The following CACHD1 variants were observed in gnomAD, a reference collection of about 807,000 sequenced individuals.
The protein encoded by CACHD1 is cache domain containing 1.
A neutral mutation model predicts 138.7 loss-of-function variants in CACHD1; 71 were observed. That is an observed-to-expected ratio of 0.51 (90% CI 0.42 to 0.62). The LOEUF (loss-of-function observed/expected upper bound fraction) is 0.62, where lower values mean the gene tolerates loss of function less well. Ranked by LOEUF, CACHD1 falls within the 20% of genes least tolerant of loss-of-function variation. CACHD1 has a pLI of 0.00. For missense variants in CACHD1, 1,389 were observed against 1,625.3 expected, an observed-to-expected ratio of 0.85 and a Z score of 2.50; for synonymous variants, 578 against 591.5, an observed-to-expected ratio of 0.98 and a Z score of 0.33.
At chr1:64,495,722 A>C (rs1646302545) in intron 1 of CACHD1, among the ~76,000 whole-genome samples, 1 of 151,096 alleles carries the variant, frequency 6.6e-6, no homozygotes, top group South Asian at 2.1e-4. Flanking sequence ...TTTGAACCTG[A>C]GTTGCTGTAA....
intron 2 of CACHD1, among the ~76,000 whole-genome samples, chr1:64,559,185 C>T (rs148343169): frequency 1.0e-3 from 155 of 152,278 alleles, no homozygotes; most frequent in Non-Finnish European, 2.0e-3. Context: ...ACTCTAAAGA[C>T]ACATGTGTGC....
At chr1:64,481,021 G>C (rs578104400) in intron 1 of CACHD1, among the ~76,000 whole-genome samples, 18 of 152,114 alleles carry the variant, frequency 1.2e-4, no homozygotes, top group East Asian at 9.7e-4. Flanking sequence ...GAGTTCAAAG[G>C]TAGCTTTCTC....
intron 4 of CACHD1, among the ~76,000 whole-genome samples, chr1:64,629,095 T>C (rs535491591): frequency 2.6e-5 from 4 of 152,334 alleles, no homozygotes; most frequent in African/African-American, 7.2e-5. Flanking sequence ...TCATTTGTAC[T>C]GGAAAAACAA....
At chr1:64,678,078 G>A in intron 22 of CACHD1, 81 bp from the exon 23 acceptor site, 1 of 1,432,802 alleles carries the variant, frequency 7.0e-7, no homozygotes, top group East Asian at 2.5e-5. Flanking sequence ...GAGATCCTGA[G>A]AACTGTCTGA....
At chr1:64,635,095 T>C (rs1648472325) in intron 7 of CACHD1, among the ~76,000 whole-genome samples, 1 of 152,004 alleles carries the variant, frequency 6.6e-6, no homozygotes, top group Non-Finnish European at 1.5e-5. Context: ...TCTCATCTTT[T>C]CCAATCAAAG....
At chr1:64,539,916 A>G (rs1646664200) in intron 1 of CACHD1, among the ~76,000 whole-genome samples, 1 of 152,224 alleles carries the variant, frequency 6.6e-6, no homozygotes, top group Admixed American at 6.5e-5. Flanking sequence ...TACTGAGTTC[A>G]TACCAGAGTC....
Position 64,632,496 on chromosome 1 carries a change from A to C in CACHD1, c.645-103A>C. On this transcript the variant is annotated intron_variant, in intron 5 of 26. Transcript: ENST00000651257. ...ATCCTTGTGCCATCCCTGGGAGAACACAGAGACCAACATGCCCATGCACTG... is the reference window on the plus strand; with the variant it reads ...ATCCTTGTGCCATCCCTGGGAGAACCCAGAGACCAACATGCCCATGCACTG... The C allele has an allele frequency of 2.5e-6, 3 of 1,219,972 alleles. No homozygotes were observed. In the South Asian group the frequency reaches 4.2e-5, roughly 17 times the overall value. 75.6% of individuals were successfully genotyped at this position (1,219,972 alleles called of 1,614,324 possible).
chr1:64,546,831 A>G (rs1646721846), intron 1 of CACHD1, among the ~76,000 whole-genome samples: 1 of 152,206 alleles, frequency 6.6e-6, no homozygotes, highest in Non-Finnish European at 1.5e-5. Flanking sequence ...TTACGTAGCA[A>G]TAGAAGTAAT....
At chr1:64,628,938 G>C (rs1365282602) in intron 4 of CACHD1, among the ~76,000 whole-genome samples, 1 of 152,104 alleles carries the variant, frequency 6.6e-6, no homozygotes, top group Non-Finnish European at 1.5e-5. Context: ...TAAGGTCACA[G>C]GTCTAGTCCC....
Position 64,543,084 on chromosome 1 carries a change from C to T in CACHD1, c.199-7510C>T, listed in dbSNP as rs141546965. On this transcript the variant is annotated intron_variant, in intron 1 of 26. Transcript: ENST00000651257. ...ATTAACAATAAATTTTTTATATAAA[C>T]ATGCTTTTAATAGCTGCACAATGTT... Among the ~76,000 whole-genome samples the T allele has an allele frequency of 4.1e-4, 62 of 151,898 alleles. No individual in the cohort carries two copies. In the East Asian group the frequency reaches 0.012, roughly 29 times the overall value.
At chr1:64,534,597 C>T (rs1011476437) in intron 1 of CACHD1, among the ~76,000 whole-genome samples, 23 of 152,326 alleles carry the variant, frequency 1.5e-4, no homozygotes, top group African/African-American at 4.6e-4. Context: ...CTTGCCACTA[C>T]GTATCCTGCA....
intron 4 of CACHD1, among the ~76,000 whole-genome samples, chr1:64,606,268 G>A (rs149352077): frequency 6.6e-6 from 1 of 152,240 alleles, no homozygotes; most frequent in Non-Finnish European, 1.5e-5. Flanking sequence ...GTTGGCTGTC[G>A]GGGGGAGGAG....
At chr1:64,512,462 G>C (rs1474541527) in intron 1 of CACHD1, among the ~76,000 whole-genome samples, 2 of 147,482 alleles carry the variant, frequency 1.4e-5, no homozygotes, top group African/African-American at 2.6e-5. Flanking sequence ...TTCAACTTCT[G>C]CTCTTCCCCT....
Position 64,652,220 on chromosome 1 carries a change from G to T in CACHD1, c.1450G>T (p.Gly484Cys). 6.2e-7 allele frequency: 1 copy of T among 1,613,680 alleles called. No individual in the cohort carries two copies. The highest frequency in any genetic ancestry group is 8.5e-7 in the Non-Finnish European group (1 of 1,179,730). ...TGGAAACCTACTTCTGGGAATTGTA[G>T]GTGTGGACGTGAATCTGGCTTACAT... ...YFGNLLLGIV[G>C]VDVNLAYILE... The change falls in exon 10 of 27, where the codon GGT becomes TGT. Residue 484 changes from glycine (G) to cysteine (C), a missense_variant. Gly to Cys is a radical substitution (Grantham distance 159). Transcript: ENST00000651257.
intron 26 of CACHD1, among the ~76,000 whole-genome samples, chr1:64,682,430 T>G (rs1650223316): frequency 6.6e-6 from 1 of 152,122 alleles, no homozygotes; most frequent in African/African-American, 2.4e-5. Flanking sequence ...TTTAAGGGCT[T>G]TTTCAGTCAT....
intron 26 of CACHD1, among the ~76,000 whole-genome samples, chr1:64,688,709 C>T (rs1294168636): frequency 1.3e-5 from 2 of 152,050 alleles, no homozygotes; most frequent in Non-Finnish European, 1.5e-5. Context: ...TAGCTCATAG[C>T]TTCAGCCAGC....
chr1:64,629,920 T>G (rs562036874), intron 5 of CACHD1, among the ~76,000 whole-genome samples: 2 of 152,268 alleles, frequency 1.3e-5, no homozygotes, highest in South Asian at 4.1e-4. Context: ...TACATGCAGA[T>G]TTTAACTATT....
Position 64,634,035 on chromosome 1 carries a change from T to C in CACHD1, c.790-9T>C. ...GTTTGGTGGTTTTTTTTTTTTTTCT[T>C]TCCTGCAGATTTCTGTGTTAACTGT... On this transcript the variant is annotated splice_polypyrimidine_tract_variant and intron_variant, in intron 6 of 26. Transcript: ENST00000651257. The C allele has an allele frequency of 1.3e-6, 2 of 1,583,968 alleles. No homozygotes were observed. Among genetic ancestry groups the C allele is most frequent in the Non-Finnish European group, 1.7e-6 (2 of 1,164,928 alleles).
intron 26 of CACHD1, among the ~76,000 whole-genome samples, chr1:64,685,108 C>T (rs377194960): frequency 1.4e-4 from 22 of 152,276 alleles, no homozygotes; most frequent in African/African-American, 4.6e-4. Flanking sequence ...TGCGCCCGGC[C>T]ACAGGTGTAC....
Sources: allele counts gnomAD v4.1 joint callset (sites outside exome capture counted in the v4.1 genomes callset), GRCh38; gene constraint gnomAD v4.1.1; transcripts MANE v1.5; gene names NCBI Gene and HGNC (gene_info 2026-07-23, HGNC 2026-07-21).